EVI5: variants seen among roughly 807,000 people sequenced by gnomAD.
The protein encoded by EVI5 is ecotropic viral integration site 5 protein homolog.
EVI5 carries 73 observed loss-of-function variants against 112.0 expected under a neutral mutation model. That is an observed-to-expected ratio of 0.65 (90% CI 0.54 to 0.79). The LOEUF is 0.79. EVI5 is among the 30% of genes least tolerant of loss of function. The pLI is 0.00. For missense variants in EVI5, 900 were observed against 968.8 expected (o/e 0.93, Z 0.94); for synonymous variants, 305 against 319.9 (o/e 0.95, Z 0.50).
chr1:92,595,762 T>C (rs1647632234), intron 18 of EVI5, among the ~76,000 whole-genome samples: 1 of 152,108 alleles, frequency 6.6e-6, no homozygotes, highest in Admixed American at 6.5e-5. Context: ...GGAAGGATCT[T>C]ACAAGGAGGG....
At chr1:92,593,904 C>T (rs2101366369) in intron 18 of EVI5, among the ~76,000 whole-genome samples, 2 of 152,286 alleles carry the variant, frequency 1.3e-5, no homozygotes, top group South Asian at 4.1e-4. Context: ...CAAACCACTG[C>T]TCAATGAAAT....
chr1:92,688,173 C>T (rs145315446), intron 9 of EVI5, among the ~76,000 whole-genome samples: 2,775 of 152,164 alleles, frequency 0.018, 42 homozygotes, highest in South Asian at 0.037. Context: ...GAAAATGTGG[C>T]GCATATACAC....
At position 92,607,661 on chromosome 1, in the gene EVI5, G is replaced by A. The variant is rs1170943000; in HGVS notation, c.1894C>T (p.Gln632Ter). Reference sequence around the variant, plus strand: ...CCTTTGTTCTGTGCAGAAAGATACTGCACTTTCTCCTGTAGGCTAATCACC... The same window carrying A: ...CCTTTGTTCTGTGCAGAAAGATACTACACTTTCTCCTGTAGGCTAATCACC... Reference protein sequence around the residue: ...QEVISLQEKVQYLSAQNKGLL... With the variant: ...QEVISLQEKV The change falls in exon 17 of 20, where the codon CAG becomes TAG. Residue 632 changes from glutamine to a stop codon, truncating the protein, a stop_gained. Coordinates refer to ENST00000684568, the MANE Select transcript of EVI5 (RefSeq NM_001350197.2). LOFTEE classifies it high-confidence loss of function. 1 of 1,604,876 alleles carries A rather than the reference G, an allele frequency of 6.2e-7. No individual in the cohort carries two copies. Among genetic ancestry groups the A allele is most frequent in the Admixed American group, 1.7e-5 (1 of 59,164 alleles).
Position 92,625,903 on chromosome 1 carries a change from A to G in EVI5, c.1559T>C (p.Ile520Thr). 6.2e-7 allele frequency: 1 copy of G among 1,608,562 alleles called. No individual in the cohort carries two copies. Among genetic ancestry groups the G allele is most frequent in the South Asian group, 1.1e-5 (1 of 90,900 alleles). Residue 520 changes from isoleucine (I) to threonine (T), a missense_variant, in exon 15 of 20, where the codon ATT (isoleucine) becomes ACT (threonine). Transcript: ENST00000684568. ...RNNSLPDENN[I>T]ARLQEELIAV... is the part of the protein sequence containing the mutation. ...AATGAGTTCTTCCTGAAGCCTTGCA[A>G]TATTATTCTCATCAGGAAGGGAGTT...
intron 19 of EVI5, among the ~76,000 whole-genome samples, chr1:92,548,263 T>C (rs1335083732): frequency 1.3e-5 from 2 of 152,190 alleles, no homozygotes; most frequent in Non-Finnish European, 2.9e-5. Context: ...ATTATCTCAA[T>C]AGATGCAGAA....
chr1:92,561,852 G>A (rs1279890259), intron 19 of EVI5, among the ~76,000 whole-genome samples: 1 of 152,012 alleles, frequency 6.6e-6, no homozygotes, highest in East Asian at 1.9e-4. Context: ...TGGATGGGCT[G>A]GTCTCAAACT....
chr1:92,633,902 C>G (rs1342272399), intron 14 of EVI5, among the ~76,000 whole-genome samples: 2 of 152,148 alleles, frequency 1.3e-5, no homozygotes, highest in Non-Finnish European at 2.9e-5. Context: ...TCACCATTTG[C>G]TTGACTGAGG....
intron 18 of EVI5, among the ~76,000 whole-genome samples, chr1:92,565,982 G>C (rs1351709873): frequency 5.3e-5 from 3 of 56,460 alleles, no homozygotes; most frequent in East Asian, 7.8e-4. Context: ...ATGTTCTAGC[G>C]ACAGAGTGGG....
chr1:92,589,658 C>A (rs183588129), intron 18 of EVI5, among the ~76,000 whole-genome samples: 1 of 152,196 alleles, frequency 6.6e-6, no homozygotes, highest in South Asian at 2.1e-4. Flanking sequence ...TCAAGGAGGC[C>A]TGCCTGCCTC....
At chr1:92,591,897 A>G (rs1452852844) in intron 18 of EVI5, among the ~76,000 whole-genome samples, 1 of 152,262 alleles carries the variant, frequency 6.6e-6, no homozygotes. Context: ...AACAGAAAGT[A>G]TAACAAACTG....
intron 1 of EVI5, among the ~76,000 whole-genome samples, chr1:92,780,612 T>C (rs1050990429): frequency 6.6e-6 from 1 of 152,210 alleles, no homozygotes; most frequent in Non-Finnish European, 1.5e-5. Context: ...TAGCTGACCA[T>C]ACTGTTATCT....
chr1:92,731,772 T>G (rs973994046), intron 2 of EVI5, among the ~76,000 whole-genome samples: 14 of 151,890 alleles, frequency 9.2e-5, no homozygotes, highest in South Asian at 4.1e-4. Context: ...CTGACAAAAA[T>G]GCAAAAGTAA....
intron 19 of EVI5, among the ~76,000 whole-genome samples, chr1:92,537,806 A>T (rs190881694): frequency 1.3e-5 from 2 of 151,934 alleles, no homozygotes; most frequent in Non-Finnish European, 2.9e-5. Context: ...ACTAAAAAAA[A>T]TTCAAGAATT....
chr1:92,631,760 G>A (rs1478204756), intron 14 of EVI5, among the ~76,000 whole-genome samples: 9 of 152,124 alleles, frequency 5.9e-5, no homozygotes, highest in African/African-American at 1.9e-4. Flanking sequence ...TCTTGTGCCC[G>A]TTTTCAAAGG....
chr1:92,768,675 G>A (rs1471736460), intron 1 of EVI5, among the ~76,000 whole-genome samples: 2 of 152,248 alleles, frequency 1.3e-5, no homozygotes, highest in East Asian at 1.9e-4. Context: ...AGGAGTTTAA[G>A]ACCAGTCTGG....
intron 18 of EVI5, among the ~76,000 whole-genome samples, chr1:92,576,819 T>C (rs1179808722): frequency 6.6e-6 from 1 of 152,232 alleles, no homozygotes; most frequent in Non-Finnish European, 1.5e-5. Context: ...CAACTCTTAA[T>C]GGCTGAGCCT....
chr1:92,516,898 GA>G (rs1353274354), intron 19 of EVI5, among the ~76,000 whole-genome samples: 5 of 140,950 alleles, frequency 3.5e-5, no homozygotes, highest in African/African-American at 7.9e-5. Context: ...AAAAAAAAAA[GA>G]AAAAAATCCT....
At chr1:92,727,799 T>G (rs1176026083) in intron 2 of EVI5, among the ~76,000 whole-genome samples, 1 of 152,042 alleles carries the variant, frequency 6.6e-6, no homozygotes, top group Non-Finnish European at 1.5e-5. Flanking sequence ...GAGGATTGCT[T>G]GAATCCGGGA....
intron 2 of EVI5, among the ~76,000 whole-genome samples, chr1:92,704,955 G>C (rs984466930): frequency 6.9e-6 from 1 of 145,788 alleles, no homozygotes; most frequent in Non-Finnish European, 1.6e-5. Context: ...ATTTGAAAAA[G>C]CAAATTACGT....
Sources: allele counts gnomAD v4.1 joint callset (sites outside exome capture counted in the v4.1 genomes callset), GRCh38; gene constraint gnomAD v4.1.1; transcripts MANE v1.5; gene names NCBI Gene and HGNC (gene_info 2026-07-23, HGNC 2026-07-21).